The following CELF2 variants were observed in gnomAD, a reference collection of about 807,000 sequenced individuals.
CELF2 encodes the protein CUG triplet repeat RNA-binding protein 2.
CELF2 carries 8 observed loss-of-function variants against 62.6 expected under a neutral mutation model. The ratio of observed to expected loss-of-function variants is 0.13; its 90% CI spans 0.07 to 0.23. CELF2 has a LOEUF of 0.23. Ranked by LOEUF, CELF2 falls within the 10% of genes least tolerant of loss-of-function variation. CELF2 has a pLI of 1.00. For missense variants in CELF2, 333 were observed against 671.0 expected (o/e 0.50, Z 5.56); for synonymous variants, 258 against 250.0 (o/e 1.03, Z -0.30).
chr10:10,710,546 A>G, the CELF2 span, among the ~76,000 whole-genome samples: 10 of 152,238 alleles, frequency 6.6e-5, no homozygotes, highest in African/African-American at 1.9e-4. Flanking sequence ...ATCTGGTAAT[A>G]TGATTAAGGA....
intron 2 of CELF2, among the ~76,000 whole-genome samples, chr10:11,180,333 C>T (rs995967266): frequency 1.3e-5 from 2 of 152,152 alleles, no homozygotes; most frequent in African/African-American, 4.8e-5. Flanking sequence ...CGTGCCTCTC[C>T]GGATCCCTCC....
chr10:10,794,785 C>A (rs140122037), upstream of CELF2: 1 of 152,142 alleles, frequency 6.6e-6, no homozygotes, highest in East Asian at 1.9e-4. Context: ...TGAGCTTCCA[C>A]GGATTTTCAC....
chr10:10,866,327 C>T (rs1169556160), intron 1 of CELF2, among the ~76,000 whole-genome samples: 4 of 150,904 alleles, frequency 2.7e-5, no homozygotes, highest in African/African-American at 9.8e-5. Context: ...AAATCACTTA[C>T]TGTGCCAGGT....
At chr10:10,895,791 T>A (rs2062508590) in intron 1 of CELF2, among the ~76,000 whole-genome samples, 1 of 152,136 alleles carries the variant, frequency 6.6e-6, no homozygotes, top group Admixed American at 6.5e-5. Context: ...AAAAAAATAG[T>A]TTGCAAGGCA....
the CELF2 span, among the ~76,000 whole-genome samples, chr10:10,549,604 C>A: frequency 6.6e-6 from 1 of 152,122 alleles, no homozygotes; most frequent in African/African-American, 2.4e-5. Flanking sequence ...TCTTCTGCAG[C>A]CTCTCTTCTT....
At chr10:10,508,561 A>T in the CELF2 span, among the ~76,000 whole-genome samples, 2 of 152,148 alleles carry the variant, frequency 1.3e-5, no homozygotes, top group Non-Finnish European at 2.9e-5. Context: ...GACTTTTCCC[A>T]ATAGTCCACA....
intron 1 of CELF2, among the ~76,000 whole-genome samples, chr10:11,164,357 C>G (rs914570573): frequency 1.3e-5 from 2 of 152,170 alleles, no homozygotes; most frequent in African/African-American, 4.8e-5. Context: ...TCTTCATCAT[C>G]GTATTACTTG....
chr10:10,872,428 CTTTATGGATT>C, intron 1 of CELF2, among the ~76,000 whole-genome samples: 1 of 152,272 alleles, frequency 6.6e-6, no homozygotes, highest in African/African-American at 2.4e-5. Flanking sequence ...CTACTGAGTG[CTTTATGGATT>C]TTTTTAAGTA....
At chr10:11,052,647 C>T (rs571540358) in intron 1 of CELF2, among the ~76,000 whole-genome samples, 3 of 152,372 alleles carry the variant, frequency 2.0e-5, no homozygotes, top group African/African-American at 4.8e-5. Flanking sequence ...GTTGGCACTT[C>T]TGCCGATCCT....
the CELF2 span, among the ~76,000 whole-genome samples, chr10:10,696,797 C>G: frequency 5.3e-5 from 8 of 151,848 alleles, no homozygotes; most frequent in Non-Finnish European, 1.0e-4. Context: ...TTTCTTTGAC[C>G]CCTTGCGCTT....
intron 1 of CELF2, among the ~76,000 whole-genome samples, chr10:10,825,748 A>G (rs1564676649): frequency 6.6e-6 from 1 of 152,122 alleles, no homozygotes; most frequent in Non-Finnish European, 1.5e-5. Flanking sequence ...CTGTGTCCCC[A>G]CCTGCCTAGA....
intron 1 of CELF2, among the ~76,000 whole-genome samples, chr10:11,154,558 C>CA (rs1416108000): frequency 2.0e-5 from 3 of 152,170 alleles, no homozygotes; most frequent in Non-Finnish European, 2.9e-5. Flanking sequence ...CAGAGAGGCG[C>CA]ACGTTTGAAC....
At chr10:10,858,403 G>C (rs753684307) in intron 1 of CELF2, among the ~76,000 whole-genome samples, 9 of 152,066 alleles carry the variant, frequency 5.9e-5, no homozygotes, top group Non-Finnish European at 8.8e-5. Flanking sequence ...CATTGGCATA[G>C]CGCATCACAT....
the CELF2 span, among the ~76,000 whole-genome samples, chr10:10,465,514 G>GA: frequency 6.6e-6 from 1 of 151,744 alleles, no homozygotes; most frequent in Non-Finnish European, 1.5e-5. Context: ...TGTGTTTTTT[G>GA]AAAAAATTCT....
chr10:11,236,613 TG>T (rs1403996416), intron 3 of CELF2, among the ~76,000 whole-genome samples: 5 of 152,214 alleles, frequency 3.3e-5, no homozygotes, highest in African/African-American at 1.2e-4. Context: ...ATGAGTTATC[TG>T]AAAAGAAGAG....
At chr10:10,883,908 T>C (rs955867263) in intron 1 of CELF2, among the ~76,000 whole-genome samples, 2 of 151,550 alleles carry the variant, frequency 1.3e-5, no homozygotes, top group African/African-American at 4.9e-5. Flanking sequence ...TTCCTCCCCC[T>C]CTTCCTCCTC....
intron 1 of CELF2, among the ~76,000 whole-genome samples, chr10:10,886,798 T>G (rs968607745): frequency 1.3e-5 from 2 of 152,184 alleles, no homozygotes; most frequent in African/African-American, 4.8e-5. Flanking sequence ...ATCACACCAC[T>G]GCACTCCAGC....
intron 2 of CELF2, among the ~76,000 whole-genome samples, chr10:10,984,931 G>A (rs1271314959): frequency 6.6e-6 from 1 of 152,080 alleles, no homozygotes; most frequent in Non-Finnish European, 1.5e-5. Flanking sequence ...ACAGGGACCA[G>A]GGCAGTAAAG....
At chr10:11,180,828 A>G (rs904360571) in intron 2 of CELF2, among the ~76,000 whole-genome samples, 1 of 152,140 alleles carries the variant, frequency 6.6e-6, no homozygotes, top group Non-Finnish European at 1.5e-5. Flanking sequence ...AAAGTAACAC[A>G]TCTAAGTATG....
Sources: allele counts gnomAD v4.1 joint callset (sites outside exome capture counted in the v4.1 genomes callset), GRCh38; gene constraint gnomAD v4.1.1; transcripts MANE v1.5; gene names NCBI Gene and HGNC (gene_info 2026-07-23, HGNC 2026-07-21).